The following ZNF407 variants were observed in gnomAD, a reference collection of about 807,000 sequenced individuals.
The protein encoded by ZNF407 is zinc finger protein 407.
A neutral mutation model predicts 131.2 loss-of-function variants in ZNF407; 17 were observed. That is an observed-to-expected ratio of 0.13 (90% CI 0.09 to 0.19). The LOEUF (loss-of-function observed/expected upper bound fraction) is 0.19, where lower values mean the gene tolerates loss of function less well. Among genes scored for constraint, ZNF407 ranks in the 10% least tolerant of loss-of-function variants. The pLI is 1.00. For missense variants in ZNF407, 2,681 were observed against 2,830.6 expected (o/e 0.95, Z 1.20); for synonymous variants, 1,156 against 1,062.0 (o/e 1.09, Z -1.72).
chr18:74,920,620 G>A lies in ZNF407; in HGVS notation c.5356G>A (p.Val1786Met). The A allele has an allele frequency of 6.2e-7, 1 of 1,611,644 alleles. No individual in the cohort carries two copies. Among genetic ancestry groups the A allele is most frequent in the Non-Finnish European group, 8.5e-7 (1 of 1,178,070 alleles). ...GTGTGACTACGGGACCAACGTCCCG[G>A]TGGAGTTCCGGAACCATTTGAAGGA... ...PKCDYGTNVP[V>M]EFRNHLKEQH... is the part of the protein sequence containing the mutation. The change falls in exon 8 of 9, where the codon GTG becomes ATG. Residue 1786 changes from valine to methionine, a missense_variant. Physicochemically the swap from Val to Met is conservative, Grantham distance 21 (BLOSUM62 1). Coordinates refer to ENST00000299687, the MANE Select transcript of ZNF407 (RefSeq NM_017757.3).
intron 7 of ZNF407, among the ~76,000 whole-genome samples, chr18:74,910,842 CG>C (rs933823226): frequency 6.6e-6 from 1 of 152,042 alleles, no homozygotes; most frequent in Non-Finnish European, 1.5e-5. Flanking sequence ...ACTTAATGAA[CG>C]GGTGGGCTTT....
At chr18:74,661,191 G>A (rs1985698745) in intron 3 of ZNF407, among the ~76,000 whole-genome samples, 2 of 151,976 alleles carry the variant, frequency 1.3e-5, no homozygotes, top group Admixed American at 6.6e-5. Context: ...AATACAGGCA[G>A]CATTCCTTTT....
In ZNF407 at chr18:74,634,029, G is replaced by C. The variant is rs201522427; in HGVS notation, c.3010G>C (p.Asp1004His). ...GCCAGAGGACTTCGCCCAGCCGGGG[G>C]ATGTGTACTCCCAGAGAGATGTTAC... is the stretch of plus-strand genomic sequence containing the variant. ...SEPEDFAQPGDVYSQRDVTGT... is the reference protein window; with the variant it reads ...SEPEDFAQPGHVYSQRDVTGT... Residue 1004 changes from aspartate to histidine, a missense_variant, in exon 2 of 9, where the codon GAT (aspartate) becomes CAT (histidine). Physicochemically the swap from Asp to His is moderately conservative, Grantham distance 81. Coordinates refer to ENST00000299687, the MANE Select transcript of ZNF407 (RefSeq NM_017757.3). 1 of 1,614,046 alleles carries C rather than the reference G, an allele frequency of 6.2e-7. No individual in the cohort carries two copies. Among genetic ancestry groups the C allele is most frequent in the South Asian group, 1.1e-5 (1 of 91,084 alleles).
intron 4 of ZNF407, among the ~76,000 whole-genome samples, chr18:74,828,031 A>G (rs1970432311): frequency 6.6e-6 from 1 of 152,100 alleles, no homozygotes; most frequent in South Asian, 2.1e-4. Flanking sequence ...CTCGCTACTC[A>G]GGTGCTCCCT....
intron 8 of ZNF407, among the ~76,000 whole-genome samples, chr18:75,056,230 A>G (rs1279737758): frequency 2.6e-5 from 4 of 152,210 alleles, no homozygotes; most frequent in African/African-American, 9.6e-5. Context: ...ATGCATGTCA[A>G]AGGCTAAAAA....
intron 8 of ZNF407, among the ~76,000 whole-genome samples, chr18:75,047,398 A>G (rs1389634717): frequency 6.6e-6 from 1 of 152,200 alleles, no homozygotes; most frequent in African/African-American, 2.4e-5. Context: ...CAGCACCCAG[A>G]GCCAGGGACC....
chr18:75,024,700 CTGAT>C (rs1251693633), intron 8 of ZNF407, among the ~76,000 whole-genome samples: 46 of 152,240 alleles, frequency 3.0e-4, no homozygotes, highest in South Asian at 2.1e-4. Context: ...TGGTTTAAAA[CTGAT>C]TGAAGTATTT....
intron 8 of ZNF407, among the ~76,000 whole-genome samples, chr18:75,017,224 A>G (rs548333700): frequency 6.6e-6 from 1 of 152,286 alleles, no homozygotes; most frequent in South Asian, 2.1e-4. Flanking sequence ...GGTCTTTGCA[A>G]TTTACAAAAT....
chr18:74,900,411 G>A (rs1971508438), intron 7 of ZNF407, among the ~76,000 whole-genome samples: 1 of 152,148 alleles, frequency 6.6e-6, no homozygotes, highest in African/African-American at 2.4e-5. Flanking sequence ...CGATGTCATG[G>A]TATATTCTGT....
intron 4 of ZNF407, among the ~76,000 whole-genome samples, chr18:74,841,993 G>C (rs1041962028): frequency 1.3e-5 from 2 of 152,180 alleles, no homozygotes; most frequent in Non-Finnish European, 2.9e-5. Flanking sequence ...TTATGTTCCT[G>C]AGGTGAGATT....
At chr18:74,968,397 T>G (rs948752381) in intron 8 of ZNF407, among the ~76,000 whole-genome samples, 2 of 152,228 alleles carry the variant, frequency 1.3e-5, no homozygotes, top group African/African-American at 4.8e-5. Context: ...TCTGCTTCTC[T>G]TGTTTCTTTT....
chr18:74,728,764 G>A (rs146297633), intron 3 of ZNF407, among the ~76,000 whole-genome samples: 1 of 152,308 alleles, frequency 6.6e-6, no homozygotes, highest in East Asian at 1.9e-4. Flanking sequence ...AGCGTGCTGT[G>A]TGGAAAGGAG....
chr18:74,654,350 G>C (rs1985356834), intron 3 of ZNF407, among the ~76,000 whole-genome samples: 3 of 151,720 alleles, frequency 2.0e-5, no homozygotes. Context: ...TTTTCTGACA[G>C]AAAAATAAAG....
chr18:74,824,802 C>G (rs1200681078), intron 4 of ZNF407, among the ~76,000 whole-genome samples: 1 of 152,204 alleles, frequency 6.6e-6, no homozygotes, highest in African/African-American at 2.4e-5. Flanking sequence ...GAGCTGGTAC[C>G]TTTCCTTCTG....
chr18:74,620,444 C>T (rs878911627), intron 1 of ZNF407, among the ~76,000 whole-genome samples: 126,928 of 151,966 alleles, frequency 0.84, 53,266 homozygotes, highest in Middle Eastern at 0.9. Context: ...GGATGGACTT[C>T]TGGTGATTGT....
rs963565233 is a variant in ZNF407 at position 74,609,288 on chromosome 18, C to G, written c.-54+11351C>G. Among the ~76,000 whole-genome samples the G allele has an allele frequency of 9.9e-5, 15 of 152,130 alleles. 1 individual carries two copies. The highest frequency in any genetic ancestry group is 9.2e-4 in the Admixed American group (14 of 15,254). ...GGGGATACATTCTTGAGAAATGCCT[C>G]TAGGTGATTTCATTGTTGTGTGAAC... On this transcript the variant is annotated intron_variant, in intron 1 of 8. Coordinates refer to ENST00000299687, the MANE Select transcript of ZNF407 (RefSeq NM_017757.3).
At chr18:74,999,890 GAA>G (rs1216678528) in intron 8 of ZNF407, among the ~76,000 whole-genome samples, 1 of 152,184 alleles carries the variant, frequency 6.6e-6, no homozygotes, top group East Asian at 1.9e-4. Context: ...CTGAGGGCAT[GAA>G]TCTGAACAGC....
chr18:74,709,176 A>G (rs973361909), intron 3 of ZNF407, among the ~76,000 whole-genome samples: 3 of 152,236 alleles, frequency 2.0e-5, no homozygotes, highest in African/African-American at 7.2e-5. Flanking sequence ...GTAAATTGGC[A>G]TAATTGAATA....
intron 1 of ZNF407, among the ~76,000 whole-genome samples, chr18:74,599,299 C>T (rs927036606): frequency 6.6e-6 from 1 of 152,150 alleles, no homozygotes; most frequent in East Asian, 1.9e-4. Flanking sequence ...AACACAGTTG[C>T]TACTGGTGCA....
Sources: gnomAD v4.1 joint callset for allele counts (sites outside exome capture counted in the v4.1 genomes callset) on GRCh38, gnomAD v4.1.1 for gene constraint, MANE v1.5 for transcripts, NCBI Gene and HGNC (gene_info 2026-07-23, HGNC 2026-07-21) for gene names.